SPRYD7: variants seen among roughly 807,000 people sequenced by gnomAD.
SPRYD7 encodes SPRY domain-containing protein 7.
Under a neutral mutation model 23.8 loss-of-function variants are expected in SPRYD7, and 14 were observed. The observed-to-expected ratio is 0.59, with a 90% CI of 0.39 to 0.92. The LOEUF (loss-of-function observed/expected upper bound fraction) is 0.92. Ranked by LOEUF, SPRYD7 falls within the 40% of genes least tolerant of loss-of-function variation. The pLI is 0.00. For synonymous variants in SPRYD7, 75 were observed against 84.9 expected, an observed-to-expected ratio of 0.88 and a Z score of 0.64; for missense variants, 194 against 241.7, an observed-to-expected ratio of 0.80 and a Z score of 1.31.
At chr13:49,931,747 G>A (rs894084269) in intron 1 of SPRYD7, among the ~76,000 whole-genome samples, 5 of 152,042 alleles carry the variant, frequency 3.3e-5, no homozygotes, top group African/African-American at 1.2e-4. Context: ...GCAGGAAGTC[G>A]AGACCAGCCT....
At chr13:49,920,876 GC>G (rs1259383210) in intron 4 of SPRYD7, among the ~76,000 whole-genome samples, 5 of 152,078 alleles carry the variant, frequency 3.3e-5, no homozygotes, top group African/African-American at 1.2e-4. Flanking sequence ...CAGGAGAATC[GC>G]TTGAACCCAG....
rs560808781 is a variant in SPRYD7 at position 49,932,380 on chromosome 13, A to C, written c.107-1246T>G. On this transcript the variant is annotated intron_variant, in intron 1 of 4. Coordinates refer to ENST00000361840, the MANE Select transcript of SPRYD7 (RefSeq NM_020456.4). The stretch of plus-strand genomic sequence containing the variant: ...GTTTTAACATTCTTACATGCACTTT[A>C]TTCTCGTAGAAAATTTTTTAGATGA... 1.9e-4 allele frequency among the ~76,000 whole-genome samples: 29 copies of C among 152,352 alleles called. 1 individual carries two copies. The East Asian group carries it at 5.6e-3, about 29-fold the overall frequency.
At chr13:49,924,107 C>T (rs925326960) in intron 3 of SPRYD7, among the ~76,000 whole-genome samples, 16 of 152,040 alleles carry the variant, frequency 1.1e-4, no homozygotes, top group Admixed American at 7.9e-4. Flanking sequence ...CTCAGCCTCC[C>T]GAGTAGCTGG....
intron 3 of SPRYD7, among the ~76,000 whole-genome samples, chr13:49,922,031 G>A (rs562819223): frequency 2.6e-5 from 4 of 152,012 alleles, no homozygotes; most frequent in African/African-American, 7.2e-5. Context: ...ATGAAGAAAC[G>A]TCTCTATACA....
intron 3 of SPRYD7, among the ~76,000 whole-genome samples, chr13:49,922,651 T>C (rs1443773308): frequency 6.6e-6 from 1 of 152,124 alleles, no homozygotes; most frequent in African/African-American, 2.4e-5. Flanking sequence ...TCTTTAAAAC[T>C]TTATACAATA....
intron 3 of SPRYD7, among the ~76,000 whole-genome samples, chr13:49,922,797 G>A (rs1273656419): frequency 7.4e-6 from 1 of 135,282 alleles, no homozygotes; most frequent in Non-Finnish European, 1.6e-5. Context: ...ATTCTATCAA[G>A]TTAAAAGCTT....
intron 4 of SPRYD7, among the ~76,000 whole-genome samples, chr13:49,920,006 A>G (rs1178690968): frequency 6.6e-6 from 1 of 152,050 alleles, no homozygotes; most frequent in Admixed American, 6.6e-5. Context: ...GCTGATGGGT[A>G]TATGAGGGTT....
In SPRYD7 at chr13:49,936,340, T is replaced by C. The variant is rs1594522007; in HGVS notation, c.-105A>G. 1.4e-6 allele frequency: 1 copy of C among 736,780 alleles called. No individual in the cohort carries two copies. 45.6% of individuals were successfully genotyped at this position (736,780 alleles called of 1,614,324 possible). A position where few individuals can be genotyped will look rare whatever the true frequency, so the allele number is the denominator to read the frequency against. ...CCCGCCCGAGGTCCGGACTTGTCTA[T>C]GTGGAGCTCGGAGGCCGGTACAGCG... On this transcript the variant is annotated 5_prime_UTR_variant, in exon 1 of 5. Coordinates refer to ENST00000361840, the MANE Select transcript of SPRYD7 (RefSeq NM_020456.4).
Position 49,927,949 on chromosome 13 carries a change from T to C in SPRYD7, c.360A>G (p.Ala120=), listed in dbSNP as rs779974608. The C allele has an allele frequency of 1.2e-6, 2 of 1,614,118 alleles. No homozygotes were observed. Among genetic ancestry groups the C allele is most frequent in the Admixed American group, 3.3e-5 (2 of 60,000 alleles). ...CATCTCCTTCCTGCGGAAGACTGTT[T>C]GCTGGCAGCCTATTTTTCTCTTCAT... ...HNNEEKNRLP[A]NSLPQEGDVV... is the part of the protein sequence containing the mutation. Residue 120 remains alanine, a synonymous_variant, in exon 3 of 5, where the codon GCA becomes GCG. Transcript: ENST00000361840.
intron 4 of SPRYD7, among the ~76,000 whole-genome samples, chr13:49,919,604 G>A (rs1037154874): frequency 6.6e-6 from 1 of 151,414 alleles, no homozygotes; most frequent in Admixed American, 6.6e-5. Context: ...ATACACACCT[G>A]TAATCCCAGC....
rs762708656 is a variant in SPRYD7, at chr13:49,936,094, G to A, written c.106+36C>T. The stretch of plus-strand genomic sequence containing the variant: ...CCCCTGCCCGCCGCGCCCGGCCCCC[G>A]TGAGCCGTTGGGTCTGGGGAAGGGA... On this transcript the variant is annotated intron_variant, in intron 1 of 4. Transcript: ENST00000361840. The A allele has an allele frequency of 4.6e-6, 6 of 1,312,446 alleles. No individual in the cohort carries two copies. In the African/African-American group the frequency reaches 4.7e-5, roughly 10 times the overall value. 81.3% of individuals were successfully genotyped at this position (1,312,446 alleles called of 1,614,324 possible).
intron 3 of SPRYD7, among the ~76,000 whole-genome samples, chr13:49,925,667 C>A (rs1021280183): frequency 6.6e-6 from 1 of 151,846 alleles, no homozygotes; most frequent in East Asian, 1.9e-4. Flanking sequence ...AAAAAATTAG[C>A]CAGTCGTGGT....
Position 49,925,578 on chromosome 13 carries a change from G to C in SPRYD7, c.390+2341C>G. Among the ~76,000 whole-genome samples the C allele has an allele frequency of 1.3e-5, 2 of 152,064 alleles. 1 individual carries two copies. Among genetic ancestry groups the C allele is most frequent in the South Asian group, 4.2e-4 (2 of 4,810 alleles). On this transcript the variant is annotated intron_variant, in intron 3 of 4. Transcript: ENST00000361840. ...TGTAATCCCAGCACTTTGGGAGGCC[G>C]AGGTGGGCAGATCATGAGGTCAGGA...
chr13:49,936,225 G>C lies in SPRYD7; in HGVS notation c.11C>G (p.Ser4Trp). 2 of 1,603,434 alleles carry C rather than the reference G, an allele frequency of 1.2e-6. No homozygotes were observed. The highest frequency in any genetic ancestry group is 1.7e-6 in the Non-Finnish European group (2 of 1,177,164). MATSVLCCLRCCRD... is the reference protein window; with the variant it reads MATWVLCCLRCCRD... ...GCAGCACCGCAGGCAGCACAACACC[G>C]AGGTGGCCATCGCGCAGGGACCACC... The change falls in exon 1 of 5, where the codon TCG becomes TGG. Residue 4 changes from serine (S) to tryptophan (W), a missense_variant. Coordinates refer to ENST00000361840, the MANE Select transcript of SPRYD7 (RefSeq NM_020456.4).
intron 1 of SPRYD7, 24 bp downstream of exon 1, chr13:49,936,106 G>A (rs1446808851): frequency 1.9e-6 from 3 of 1,550,390 alleles, no homozygotes; most frequent in Middle Eastern, 2.0e-4. Context: ...GAGCCGTTGG[G>A]TCTGGGGAAG....
Position 49,920,109 on chromosome 13 carries a change from C to T in SPRYD7, c.493+1369G>A, listed in dbSNP as rs553003720. Among the ~76,000 whole-genome samples the T allele has an allele frequency of 1.8e-3, 279 of 151,526 alleles. 2 individuals are homozygous for T. Among genetic ancestry groups the T allele is most frequent in the Middle Eastern group, 0.014 (4 of 294 alleles). On this transcript the variant is annotated intron_variant, in intron 4 of 4. Coordinates refer to ENST00000361840, the MANE Select transcript of SPRYD7 (RefSeq NM_020456.4). ...GATGCAGTGGTTCATGCCTGTAATC[C>T]CAATAGTGGTGCACACTTGTAGTCC...
At chr13:49,922,377 T>C (rs1955831354) in intron 3 of SPRYD7, among the ~76,000 whole-genome samples, 1 of 151,420 alleles carries the variant, frequency 6.6e-6, no homozygotes, top group South Asian at 2.1e-4. Context: ...GCCCATGTTA[T>C]AAACCAATAG....
At chr13:49,923,293 T>C (rs906249028) in intron 3 of SPRYD7, among the ~76,000 whole-genome samples, 8 of 151,964 alleles carry the variant, frequency 5.3e-5, no homozygotes, top group African/African-American at 1.9e-4. Flanking sequence ...ACCCAGGCTG[T>C]AGTGCAATGG....
chr13:49,919,212 T>G (rs1204001358), intron 4 of SPRYD7, among the ~76,000 whole-genome samples: 1 of 150,218 alleles, frequency 6.7e-6, no homozygotes, highest in African/African-American at 2.5e-5. Context: ...AGCTCAGGAG[T>G]TCGAGATCAG....
Sources: allele counts gnomAD v4.1 joint callset (sites outside exome capture counted in the v4.1 genomes callset), GRCh38; gene constraint gnomAD v4.1.1; transcripts MANE v1.5; gene names NCBI Gene and HGNC (gene_info 2026-07-23, HGNC 2026-07-21).